GTPBP3: variants seen among roughly 807,000 people sequenced by gnomAD.
GTPBP3 encodes the protein GTP binding protein 3, mitochondrial.
A neutral mutation model predicts 42.0 loss-of-function variants in GTPBP3; 35 were observed. The ratio of observed to expected loss-of-function variants is 0.83; its 90% CI spans 0.64 to 1.10. The LOEUF is 1.10. Among genes scored for constraint, GTPBP3 ranks in the 50% least tolerant of loss-of-function variants. The pLI is 0.00. For missense variants in GTPBP3, 691 were observed against 685.2 expected, an observed-to-expected ratio of 1.01 and a Z score of -0.09; for synonymous variants, 332 against 314.9, an observed-to-expected ratio of 1.05 and a Z score of -0.58.
chr19:17,336,717 T>G (rs1202088098), upstream of GTPBP3: 2 of 152,124 alleles, frequency 1.3e-5, no homozygotes, highest in Non-Finnish European at 2.9e-5. Context: ...AGCGCTTTAT[T>G]CCGAGTTTCA....
Position 17,341,212 on chromosome 19 carries a change from G to T in GTPBP3, c.1143G>T (p.Pro381=). ...LVLNKSDLLS[P]EGPGPGPDLP... ...TGAACAAGTCGGACCTGCTGTCCCC[G>T]GAGGGCCCAGGTCCCGGTCCTGACC... Residue 381 remains proline (P), a synonymous_variant, in exon 8 of 9, where the codon CCG becomes CCT. Coordinates refer to ENST00000324894, the MANE Select transcript of GTPBP3 (RefSeq NM_032620.4). The T allele has an allele frequency of 6.2e-7, 1 of 1,609,306 alleles. No individual in the cohort carries two copies. Among genetic ancestry groups the T allele is most frequent in the Non-Finnish European group, 8.5e-7 (1 of 1,179,898 alleles).
intron 8 of GTPBP3, 21 bp downstream of exon 8, chr19:17,341,343 AGCCTCCCCTGACCCACAGTTTAAG>A (rs1157200965): frequency 1.3e-6 from 2 of 1,572,734 alleles, no homozygotes. Flanking sequence ...TCCCACTCCC[AGCCTCCCCTGACCCACAGTTTAAG>A]TGTGGGTCCC....
Position 17,339,633 on chromosome 19 carries a change from C to T in GTPBP3, c.974+34C>T, listed in dbSNP as rs1392372370. The stretch of plus-strand genomic sequence containing the variant: ...ACAGGGTGGTGATGGGAGGGGAACG[C>T]GGGGCCCTTTCTCTGCCTTTTCTCC... On this transcript the variant is annotated intron_variant, in intron 7 of 8. Transcript: ENST00000324894. The T allele has an allele frequency of 3.9e-6, 6 of 1,555,142 alleles. No individual in the cohort carries two copies. In the East Asian group the frequency reaches 1.4e-4, roughly 37 times the overall value.
rs770432503 is a variant in GTPBP3 at position 17,338,017 on chromosome 19, G to A, written c.63G>A (p.Thr21=). ...QAARGPRRLC[T]RRSSGAPAPG... is the part of the protein sequence containing the mutation. ...TCCCCTCCGGTTCCAGATTGTGCAC[G>A]CGCCGGAGCAGCGGCGCACCAGCCC... Residue 21 remains threonine, a synonymous_variant, in exon 2 of 9, where the codon ACG becomes ACA. Coordinates refer to ENST00000324894, the MANE Select transcript of GTPBP3 (RefSeq NM_032620.4). The A allele has an allele frequency of 1.3e-6, 2 of 1,597,578 alleles. No individual in the cohort carries two copies. Among genetic ancestry groups the A allele is most frequent in the African/African-American group, 1.3e-5 (1 of 74,954 alleles).
At chr19:17,339,724 T>G in intron 7 of GTPBP3, 125 bp downstream of exon 7, 1 of 851,816 alleles carries the variant, frequency 1.2e-6, no homozygotes. Context: ...AGCATGGATC[T>G]CAGGGATTTG....
Position 17,338,655 on chromosome 19 carries a change from A to G in GTPBP3, c.505A>G (p.Thr169Ala). 1 of 1,613,868 alleles carries G rather than the reference A, an allele frequency of 6.2e-7. No individual in the cohort carries two copies. Among genetic ancestry groups the G allele is most frequent in the Non-Finnish European group, 8.5e-7 (1 of 1,179,944 alleles). Reference protein sequence around the residue: ...EGLADLIHAETEAQRRQALRQ... With the variant: ...EGLADLIHAEAEAQRRQALRQ... ...GCTGGCGGACCTTATCCACGCGGAA[A>G]CAGAGGCGCAGCGGCGGCAGGCCCT... The change falls in exon 4 of 9, where the codon ACA (threonine) becomes GCA (alanine). Residue 169 changes from threonine to alanine, a missense_variant. Thr to Ala is a moderately conservative substitution (Grantham distance 58, BLOSUM62 0). Transcript: ENST00000324894.
upstream of GTPBP3, chr19:17,336,547 G>A (rs1244010440): frequency 2.6e-5 from 4 of 152,126 alleles, no homozygotes; most frequent in Non-Finnish European, 5.9e-5. Context: ...AAAATATTGA[G>A]CAGGGCGAGG....
upstream of GTPBP3, chr19:17,336,745 C>T (rs534615077): frequency 6.6e-6 from 1 of 152,170 alleles, no homozygotes; most frequent in Non-Finnish European, 1.5e-5. Flanking sequence ...CCTGGGTTAA[C>T]CTGAAAGCAA....
Position 17,341,489 on chromosome 19 carries a change from C to G in GTPBP3, c.1265C>G (p.Pro422Arg). The stretch of plus-strand genomic sequence containing the variant: ...CTTGTCTCTTCCAGGTGTGGGGACC[C>G]GTCCACAGATCCCCCGCTGCTGACC... ...RKELAAVCGDPSTDPPLLTRA... is the reference protein window; with the variant it reads ...RKELAAVCGDRSTDPPLLTRA... Residue 422 changes from proline to arginine, a missense_variant, in exon 9 of 9, where the codon CCG (proline) becomes CGG (arginine). Coordinates refer to ENST00000324894, the MANE Select transcript of GTPBP3 (RefSeq NM_032620.4). 5.0e-6 allele frequency: 8 copies of G among 1,610,978 alleles called. No individual in the cohort carries two copies. Among genetic ancestry groups the G allele is most frequent in the Non-Finnish European group, 6.8e-6 (8 of 1,178,152 alleles).
In GTPBP3 at chr19:17,338,129, G is replaced by T; in HGVS notation, c.175G>T (p.Gly59Cys). ...AVIRTSGPAS[G>C]HALRILTAPR... The stretch of plus-strand genomic sequence containing the variant: ...GATCCGGACCAGCGGCCCCGCCAGC[G>T]GCCACGCCCTCCGAATTCTCACAGC... The change falls in exon 2 of 9, where the codon GGC becomes TGC. Residue 59 changes from glycine (G) to cysteine (C), a missense_variant. Transcript: ENST00000324894. The T allele has an allele frequency of 6.3e-7, 1 of 1,596,776 alleles. No individual in the cohort carries two copies. The highest frequency in any genetic ancestry group is 1.3e-5 in the African/African-American group (1 of 74,882).
At chr19:17,340,868 T>G in intron 7 of GTPBP3, 176 bp from the exon 8 acceptor site, 1 of 165,780 alleles carries the variant, frequency 6.0e-6, no homozygotes. Flanking sequence ...CCCCACCCCC[T>G]GTGCTCGGCT....
At chr19:17,335,123 G>A, upstream of GTPBP3, 2 of 1,535,492 alleles carry the variant, frequency 1.3e-6, no homozygotes, top group Non-Finnish European at 1.7e-6. Context: ...TGAGATGGGC[G>A]TAAGTTGACT....
In GTPBP3 at chr19:17,338,529, C is replaced by T; in HGVS notation, c.389-10C>T. On this transcript the variant is annotated splice_polypyrimidine_tract_variant and intron_variant, in intron 3 of 8. Coordinates refer to ENST00000324894, the MANE Select transcript of GTPBP3 (RefSeq NM_032620.4). ...GGACCAGGGGGTGTCAGACTGGGAC[C>T]TTCCTGCAGGCAGCGTGCCAGGGCT... The T allele has an allele frequency of 6.2e-7, 1 of 1,613,176 alleles. No individual in the cohort carries two copies.
At position 17,338,357 on chromosome 19, in the gene GTPBP3, C is replaced by G. The variant is rs768293411; in HGVS notation, c.302-8C>G. 3.0e-5 allele frequency: 48 copies of G among 1,613,710 alleles called. 1 individual carries two copies. The Admixed American group carries it at 8.0e-4, about 27-fold the overall frequency. On this transcript the variant is annotated splice_region_variant and splice_polypyrimidine_tract_variant and intron_variant, in intron 2 of 8. Transcript: ENST00000324894. ...TGCTGTCCTCCTGTCACCTGTCTGT[C>G]ACATTAGGTCCCCAGAGTTTCACCG...
At position 17,338,945 on chromosome 19, in the gene GTPBP3, C is replaced by T. The variant is rs771544436; in HGVS notation, c.592-9C>T. 7.6e-6 allele frequency: 12 copies of T among 1,586,504 alleles called. No individual in the cohort carries two copies. The highest frequency in any genetic ancestry group is 1.7e-5 in the Admixed American group (1 of 58,642). ...GCACACACCACCTCTGCTCTCCCTG[C>T]CCCGCCAGGCTCTGGCCCACGTGGA... On this transcript the variant is annotated splice_polypyrimidine_tract_variant and intron_variant, in intron 4 of 8. Transcript: ENST00000324894.
chr19:17,339,367 T>C (rs1047735559), intron 6 of GTPBP3, 67 bp from the exon 7 acceptor site: 4 of 1,591,244 alleles, frequency 2.5e-6, no homozygotes, highest in Admixed American at 3.4e-5. Flanking sequence ...CCTCCAGACA[T>C]GGGGTAGAAC....
chr19:17,341,208 C>A lies in GTPBP3; in HGVS notation c.1139C>A (p.Ser380Tyr). The A allele has an allele frequency of 6.2e-7, 1 of 1,609,744 alleles. No individual in the cohort carries two copies. Among genetic ancestry groups the A allele is most frequent in the Non-Finnish European group, 8.5e-7 (1 of 1,179,920 alleles). ...GTGCTGAACAAGTCGGACCTGCTGT[C>A]CCCGGAGGGCCCAGGTCCCGGTCCT... ...LLVLNKSDLL[S>Y]PEGPGPGPDL... The change falls in exon 8 of 9, where the codon TCC becomes TAC. Residue 380 changes from serine to tyrosine, a missense_variant. Coordinates refer to ENST00000324894, the MANE Select transcript of GTPBP3 (RefSeq NM_032620.4).
rs772139597 is a variant in GTPBP3, at chr19:17,338,380, C to G, written c.317C>G (p.Thr106Ser). ...GTCACATTAGGTCCCCAGAGTTTCACCGGTGAGGACTGCGTGGAGTTCCAC... is the reference window on the plus strand; with the variant it reads ...GTCACATTAGGTCCCCAGAGTTTCAGCGGTGAGGACTGCGTGGAGTTCCAC... ...VLWFPGPQSF[T>S]GEDCVEFHVH... The change falls in exon 3 of 9, where the codon ACC (threonine) becomes AGC (serine). Residue 106 changes from threonine to serine, a missense_variant. Coordinates refer to ENST00000324894, the MANE Select transcript of GTPBP3 (RefSeq NM_032620.4). The G allele has an allele frequency of 2.5e-6, 4 of 1,614,014 alleles. No homozygotes were observed. The highest frequency in any genetic ancestry group is 1.6e-4 in the Middle Eastern group (1 of 6,082).
In GTPBP3 at chr19:17,341,736, G is replaced by A; in HGVS notation, c.*33G>A. 1 of 1,515,798 alleles carries A rather than the reference G, an allele frequency of 6.6e-7. No individual in the cohort carries two copies. The highest frequency in any genetic ancestry group is 1.4e-5 in the African/African-American group (1 of 72,386). The allele number at this position is 1,515,798 out of a possible 1,614,324, so 93.9% of individuals were successfully genotyped here. ...CAGGGAAGTCGCACCCAAGCTGCGTGGAGACCCAGGAGCCTCGGGGGATCT... is the reference window on the plus strand; with the variant it reads ...CAGGGAAGTCGCACCCAAGCTGCGTAGAGACCCAGGAGCCTCGGGGGATCT... On this transcript the variant is annotated 3_prime_UTR_variant, in exon 9 of 9. Coordinates refer to ENST00000324894, the MANE Select transcript of GTPBP3 (RefSeq NM_032620.4).
Sources: allele counts gnomAD v4.1 joint callset, GRCh38; gene constraint gnomAD v4.1.1; transcripts MANE v1.5; gene names NCBI Gene and HGNC (gene_info 2026-07-23, HGNC 2026-07-21).